Variants in QRSL1 observed in about 807,000 individuals in gnomAD.
QRSL1 encodes the protein glutamyl-tRNA(Gln) amidotransferase subunit A, mitochondrial.
QRSL1 carries 54 observed loss-of-function variants against 61.6 expected under a neutral mutation model. The ratio of observed to expected loss-of-function variants is 0.88; its 90% confidence interval spans 0.70 to 1.10. The LOEUF (loss-of-function observed/expected upper bound fraction) is 1.10. Among genes scored for constraint, QRSL1 ranks in the 50% least tolerant of loss-of-function variants. The pLI, the probability that QRSL1 is intolerant of heterozygous loss-of-function variation, is 0.00. For missense variants in QRSL1, 505 were observed against 622.6 expected, an observed-to-expected ratio of 0.81 and a Z score of 2.01; for synonymous variants, 228 against 225.7, an observed-to-expected ratio of 1.01 and a Z score of -0.09.
rs1177849683 is a variant in QRSL1, at chr6:106,639,119, G to GTTTTTTTT, written c.25-1210_25-1203dup. On this transcript the variant is annotated intron_variant, in intron 1 of 10. Transcript: ENST00000369046. The stretch of plus-strand genomic sequence containing the variant: ...TGTGTGGTTATTTGTGTGTTTTGTT[G>GTTTTTTTT]TTTTTTTTTTTTTTTTTTTTTTTTT... 1.5e-4 allele frequency among the ~76,000 whole-genome samples: 18 copies of GTTTTTTTT among 122,806 alleles called. 1 individual carries two copies. The highest frequency in any genetic ancestry group is 5.3e-4 in the East Asian group (2 of 3,768). 80.6% of individuals were successfully genotyped at this position (122,806 alleles called of 152,430 possible).
At chr6:106,645,854 T>C (rs1392267729) in intron 4 of QRSL1, among the ~76,000 whole-genome samples, 1 of 152,266 alleles carries the variant, frequency 6.6e-6, no homozygotes, top group African/African-American at 2.4e-5. Flanking sequence ...TTATTAGTTC[T>C]AGTTGATCTT....
At chr6:106,644,108 A>G (rs9373886) in intron 4 of QRSL1, among the ~76,000 whole-genome samples, 80,078 of 151,920 alleles carry the variant, frequency 0.53, 21,578 homozygotes, top group Non-Finnish European at 0.57. Flanking sequence ...CTGACCTCAG[A>G]TGATCCACCT....
chr6:106,658,757 G>A (rs1777309922), intron 9 of QRSL1, among the ~76,000 whole-genome samples: 1 of 152,144 alleles, frequency 6.6e-6, no homozygotes, highest in Admixed American at 6.5e-5. Flanking sequence ...GTGCCTTGGT[G>A]TGGTTCTCTG....
chr6:106,645,700 C>T (rs1264146269), intron 4 of QRSL1, among the ~76,000 whole-genome samples: 2 of 152,196 alleles, frequency 1.3e-5, no homozygotes, highest in African/African-American at 2.4e-5. Flanking sequence ...GGATTATAGG[C>T]GTGAGCCACC....
At chr6:106,650,515 T>C (rs1434314062) in intron 5 of QRSL1, among the ~76,000 whole-genome samples, 1 of 151,974 alleles carries the variant, frequency 6.6e-6, no homozygotes, top group Non-Finnish European at 1.5e-5. Context: ...TGTTCTGCTT[T>C]TGTTTCCTTA....
chr6:106,647,022 CT>C (rs1777116058), intron 4 of QRSL1, among the ~76,000 whole-genome samples: 1 of 76,982 alleles, frequency 1.3e-5, no homozygotes, highest in Non-Finnish European at 2.4e-5. Flanking sequence ...AGCAAGACTC[CT>C]TCTCAAAAAA....
chr6:106,661,725 A>T (rs2114718377), intron 9 of QRSL1, among the ~76,000 whole-genome samples: 1 of 76,552 alleles, frequency 1.3e-5, no homozygotes, highest in Non-Finnish European at 2.3e-5. Flanking sequence ...TTTTTTTGAG[A>T]CGGAGTTCCG....
At chr6:106,655,571 C>A in intron 8 of QRSL1, 44 bp from the exon 9 acceptor site, 11 of 1,188,620 alleles carry the variant, frequency 9.3e-6, no homozygotes, top group Non-Finnish European at 1.1e-5. Flanking sequence ...ACTTTACTGA[C>A]TTTACTTCCT....
At chr6:106,657,319 T>A (rs1422214337) in intron 9 of QRSL1, among the ~76,000 whole-genome samples, 6 of 152,142 alleles carry the variant, frequency 3.9e-5, no homozygotes, top group African/African-American at 1.4e-4. Context: ...AAAAGACTGT[T>A]ACCATATTGA....
chr6:106,651,706 G>A (rs1218455796), intron 5 of QRSL1, among the ~76,000 whole-genome samples: 1 of 152,092 alleles, frequency 6.6e-6, no homozygotes, highest in Admixed American at 6.5e-5. Flanking sequence ...TGAATTTCTA[G>A]GAGGGGCGTA....
chr6:106,665,879 T>C lies in QRSL1; in HGVS notation c.1464T>C (p.Leu488=), dbSNP rs1582424046. The C allele has an allele frequency of 3.1e-6, 5 of 1,613,992 alleles. No individual in the cohort carries two copies. The highest frequency in any genetic ancestry group is 1.3e-5 in the African/African-American group (1 of 75,046). Residue 488 remains leucine (L), a synonymous_variant, in exon 11 of 11, where the codon CTT becomes CTC. Coordinates refer to ENST00000369046, the MANE Select transcript of QRSL1 (RefSeq NM_018292.5). ...IGRAFCDQQL[L]TVAKWFEKQV... ...GTGCGTTTTGTGACCAGCAGCTTCT[T>C]ACAGTAGCCAAATGGTTTGAAAAAC... is the stretch of plus-strand genomic sequence containing the variant.
rs142826814 is a variant in QRSL1 at position 106,643,223 on chromosome 6, T to C, written c.380+133T>C. ...CTCTGTGAGATTATGTTATGTTGTT[T>C]AATAGATATATAGTCATCTCTAATT... On this transcript the variant is annotated intron_variant, in intron 4 of 10. Coordinates refer to ENST00000369046, the MANE Select transcript of QRSL1 (RefSeq NM_018292.5). 4.3e-4 allele frequency: 283 copies of C among 652,530 alleles called. 2 individuals are homozygous for C. In the African/African-American group the frequency reaches 4.6e-3, roughly 11 times the overall value. The allele number at this position is 652,530 out of a possible 1,614,324, so 40.4% of individuals were successfully genotyped here. A position where few individuals can be genotyped will look rare whatever the true frequency, so the allele number is the denominator to read the frequency against.
rs1358212042 is a variant in QRSL1, at chr6:106,629,718, G to T, written c.24+13G>T. Reference sequence around the variant, plus strand: ...GAGCCTCCGAGAAGTGAGTGGAATTGGCCCGCTGAGGCCCCCGGGAGGGCG... The same window carrying T: ...GAGCCTCCGAGAAGTGAGTGGAATTTGCCCGCTGAGGCCCCCGGGAGGGCG... On this transcript the variant is annotated intron_variant, in intron 1 of 10. Coordinates refer to ENST00000369046, the MANE Select transcript of QRSL1 (RefSeq NM_018292.5). 1 of 1,601,376 alleles carries T rather than the reference G, an allele frequency of 6.2e-7. No individual in the cohort carries two copies. Among genetic ancestry groups the T allele is most frequent in the Non-Finnish European group, 8.5e-7 (1 of 1,174,564 alleles).
intron 10 of QRSL1, among the ~76,000 whole-genome samples, chr6:106,664,649 C>T (rs1222518238): frequency 1.3e-5 from 2 of 152,182 alleles, no homozygotes; most frequent in Non-Finnish European, 2.9e-5. Flanking sequence ...CAGATTGCTT[C>T]CTCATGATTG....
intron 9 of QRSL1, among the ~76,000 whole-genome samples, chr6:106,662,512 C>CAATGCCTA (rs1777373031): frequency 1.4e-5 from 2 of 141,156 alleles, no homozygotes; most frequent in Non-Finnish European, 3.1e-5. Flanking sequence ...TTTCCCTAAA[C>CAATGCCTA]AATGCCTAAA....
Position 106,666,648 on chromosome 6 carries a change from C to CA in QRSL1, c.*651dup, listed in dbSNP as rs768916065. On this transcript the variant is annotated 3_prime_UTR_variant, in exon 11 of 11. Transcript: ENST00000369046. ...TACATCTGTGTAACTAAAGCACTAA[C>CA]AAAAACATGAATAGTCCTTCTAGAG... 7 of 153,228 alleles carry CA rather than the reference C, an allele frequency of 4.6e-5. No individual in the cohort carries two copies. Among genetic ancestry groups the CA allele is most frequent in the Non-Finnish European group, 1.0e-4 (7 of 68,796 alleles). The allele number at this position is 153,228 out of a possible 1,614,324, so 9.5% of individuals were successfully genotyped here.
rs889011659 is a variant in QRSL1, at chr6:106,660,246, C to T, written c.1161-2734C>T. The stretch of plus-strand genomic sequence containing the variant: ...CAGGGCCTCACTTGGTCACCCAAGC[C>T]GGAGTGCATTGGCATGACCATGGCT... On this transcript the variant is annotated intron_variant, in intron 9 of 10. Transcript: ENST00000369046. Among the ~76,000 whole-genome samples the T allele has an allele frequency of 7.2e-5, 11 of 152,114 alleles. No homozygotes were observed. In the East Asian group the frequency reaches 1.5e-3, roughly 21 times the overall value.
At chr6:106,652,970 T>C (rs1278807585) in intron 7 of QRSL1, 3 of 442,904 alleles carry the variant, frequency 6.8e-6, no homozygotes, top group African/African-American at 6.0e-5. Context: ...CAATAAAACT[T>C]TATTTTCAAA....
intron 9 of QRSL1, among the ~76,000 whole-genome samples, chr6:106,662,065 T>G (rs2114718662): frequency 6.6e-6 from 1 of 152,322 alleles, no homozygotes; most frequent in East Asian, 1.9e-4. Context: ...TAAAGGATTT[T>G]TTTTCCTTTT....
Sources: gnomAD v4.1 joint callset for allele counts (sites outside exome capture counted in the v4.1 genomes callset) on GRCh38, gnomAD v4.1.1 for gene constraint, MANE v1.5 for transcripts, NCBI Gene and HGNC (gene_info 2026-07-23, HGNC 2026-07-21) for gene names.